The following UNC13C variants were observed in gnomAD, a reference collection of about 807,000 sequenced individuals.
UNC13C encodes unc-13 homolog C, also known as protein unc-13 homolog C.
A neutral mutation model predicts 245.4 loss-of-function variants in UNC13C; 174 were observed. That is an observed-to-expected ratio of 0.71 (90% CI 0.63 to 0.80). The LOEUF is 0.80. UNC13C is among the 30% of genes least tolerant of loss of function. The probability of loss-of-function intolerance (pLI) is 0.00; values close to 1 mark genes in which losing one functional copy is unlikely to be tolerated. For missense variants in UNC13C, 2,829 were observed against 2,602.9 expected, an observed-to-expected ratio of 1.09 and a Z score of -1.89; for synonymous variants, 992 against 895.1, an observed-to-expected ratio of 1.11 and a Z score of -1.93.
chr15:54,299,359 C>T (rs932128469), intron 12 of UNC13C, among the ~76,000 whole-genome samples: 10 of 152,112 alleles, frequency 6.6e-5, no homozygotes, highest in African/African-American at 2.4e-4. Flanking sequence ...CATTTTCAAC[C>T]TCGATTCATT....
chr15:53,999,844 G>T (rs1178596242), intron 1 of UNC13C, among the ~76,000 whole-genome samples: 1 of 151,888 alleles, frequency 6.6e-6, no homozygotes, highest in African/African-American at 2.4e-5. Context: ...TGGAGATGGA[G>T]TGTTTATAGA....
At chr15:54,033,838 G>A (rs926561458) in intron 2 of UNC13C, among the ~76,000 whole-genome samples, 1 of 152,144 alleles carries the variant, frequency 6.6e-6, no homozygotes, top group Non-Finnish European at 1.5e-5. Context: ...TTGAGCATAG[G>A]AGATCTGTAT....
At chr15:53,856,162 T>G in the UNC13C span, among the ~76,000 whole-genome samples, 1 of 152,110 alleles carries the variant, frequency 6.6e-6, no homozygotes, top group African/African-American at 2.4e-5. Flanking sequence ...TGAACGTGTT[T>G]ATTTTATTCT....
intron 13 of UNC13C, among the ~76,000 whole-genome samples, chr15:54,306,261 C>T (rs890154239): frequency 6.6e-6 from 1 of 151,926 alleles, no homozygotes; most frequent in Non-Finnish European, 1.5e-5. Context: ...CTGGAGCATG[C>T]GTCAGTAGGA....
chr15:54,224,225 A>T (rs2035309888), intron 4 of UNC13C, among the ~76,000 whole-genome samples: 1 of 152,092 alleles, frequency 6.6e-6, no homozygotes, highest in African/African-American at 2.4e-5. Context: ...CTTAAAGGAA[A>T]GGTTTTCAGT....
chr15:54,076,634 ATAGT>A (rs1365815114), intron 2 of UNC13C, among the ~76,000 whole-genome samples: 10 of 145,240 alleles, frequency 6.9e-5, no homozygotes, highest in Admixed American at 4.2e-4. Context: ...TGGCAGAGTG[ATAGT>A]TAGTCTCTAT....
the UNC13C span, among the ~76,000 whole-genome samples, chr15:53,886,029 G>A: frequency 9.2e-5 from 14 of 152,268 alleles, no homozygotes; most frequent in Non-Finnish European, 1.8e-4. Context: ...TACAGATAAC[G>A]AAGAGGAAGA....
chr15:54,196,256 G>A (rs762947832), intron 4 of UNC13C, among the ~76,000 whole-genome samples: 4 of 151,852 alleles, frequency 2.6e-5, no homozygotes, highest in Non-Finnish European at 5.9e-5. Flanking sequence ...AATGCAGAGA[G>A]ACAAGCAAAC....
intron 10 of UNC13C, among the ~76,000 whole-genome samples, chr15:54,278,756 C>T (rs938408302): frequency 1.3e-5 from 2 of 152,070 alleles, no homozygotes; most frequent in East Asian, 3.9e-4. Flanking sequence ...CACAATCGAG[C>T]CATGTGAAAT....
chr15:54,280,799 T>TAC (rs1160811627), intron 10 of UNC13C, among the ~76,000 whole-genome samples: 2 of 149,240 alleles, frequency 1.3e-5, no homozygotes, highest in African/African-American at 4.9e-5. Context: ...TATATATATA[T>TAC]ACTTTTTAAA....
At chr15:53,933,853 T>G in the UNC13C span, among the ~76,000 whole-genome samples, 1 of 152,242 alleles carries the variant, frequency 6.6e-6, no homozygotes, top group African/African-American at 2.4e-5. Flanking sequence ...AGAGAACTTC[T>G]GCAAGAATGA....
At chr15:54,598,200 C>T (rs990356018) in intron 30 of UNC13C, among the ~76,000 whole-genome samples, 1 of 152,176 alleles carries the variant, frequency 6.6e-6, no homozygotes, top group Non-Finnish European at 1.5e-5. Flanking sequence ...TGAAACAATT[C>T]CCCTGCCTCA....
At chr15:54,052,224 G>A (rs55780116) in intron 2 of UNC13C, among the ~76,000 whole-genome samples, 13,327 of 102,776 alleles carry the variant, frequency 0.13, 693 homozygotes, top group Admixed American at 0.17. Flanking sequence ...ATAAACATAC[G>A]TGTGCATGTG....
intron 1 of UNC13C, among the ~76,000 whole-genome samples, chr15:54,000,294 C>G (rs1450281628): frequency 6.6e-6 from 1 of 151,986 alleles, no homozygotes; most frequent in Non-Finnish European, 1.5e-5. Flanking sequence ...AGTTTTGTGC[C>G]CTTAAGCAAG....
intron 1 of UNC13C, among the ~76,000 whole-genome samples, chr15:53,993,079 A>G (rs966340492): frequency 6.6e-5 from 10 of 152,126 alleles, no homozygotes; most frequent in Admixed American, 4.6e-4. Flanking sequence ...AACTGAGGAC[A>G]TAGATAAAAT....
At chr15:53,917,277 G>A in the UNC13C span, among the ~76,000 whole-genome samples, 174 of 152,314 alleles carry the variant, frequency 1.1e-3, no homozygotes, top group African/African-American at 3.5e-3. Context: ...ACAGTTGGGT[G>A]CAGCTGAAAC....
At chr15:54,244,239 T>G (rs931657148) in intron 7 of UNC13C, among the ~76,000 whole-genome samples, 1 of 152,230 alleles carries the variant, frequency 6.6e-6, no homozygotes, top group Non-Finnish European at 1.5e-5. Context: ...TAGGGAATCC[T>G]TTCCTCATTG....
At chr15:54,593,489 C>T (rs774059928) in intron 30 of UNC13C, among the ~76,000 whole-genome samples, 10 of 152,008 alleles carry the variant, frequency 6.6e-5, no homozygotes, top group Non-Finnish European at 1.5e-4. Flanking sequence ...AGGATTTGTT[C>T]ATATTTTCTT....
chr15:54,281,874 G>A (rs901161158), intron 10 of UNC13C, among the ~76,000 whole-genome samples: 1 of 151,922 alleles, frequency 6.6e-6, no homozygotes, highest in African/African-American at 2.4e-5. Context: ...TTTTTTTCTT[G>A]TTAAGTTTTA....
Sources: gnomAD v4.1 joint callset for allele counts (sites outside exome capture counted in the v4.1 genomes callset) on GRCh38, gnomAD v4.1.1 for gene constraint, MANE v1.5 for transcripts, NCBI Gene and HGNC (gene_info 2026-07-23, HGNC 2026-07-21) for gene names.